The following FGFR1 variants were observed in gnomAD, a reference collection of about 807,000 sequenced individuals.
FGFR1 encodes fibroblast growth factor receptor 1.
Under a neutral mutation model 93.7 loss-of-function variants are expected in FGFR1, and 18 were observed. The ratio of observed to expected loss-of-function variants is 0.19; its 90% CI spans 0.13 to 0.28. FGFR1 has a LOEUF of 0.28. FGFR1 is among the 10% of genes least tolerant of loss of function. The pLI is 1.00. For missense variants in FGFR1, 731 were observed against 1,080.4 expected (o/e 0.68, Z 4.53); for synonymous variants, 448 against 429.3 (o/e 1.04, Z -0.54).
At chr8:38,465,259 A>G (rs900513770) in intron 1 of FGFR1, among the ~76,000 whole-genome samples, 5 of 152,232 alleles carry the variant, frequency 3.3e-5, no homozygotes, top group African/African-American at 1.2e-4. Context: ...GCACCCTAAG[A>G]TTGTTCAAGT....
intron 2 of FGFR1, among the ~76,000 whole-genome samples, chr8:38,455,679 C>T (rs1476540137): frequency 6.6e-6 from 1 of 152,206 alleles, no homozygotes; most frequent in Non-Finnish European, 1.5e-5. Flanking sequence ...GAGCTACCTA[C>T]TCACCAGGCA....
At position 38,426,044 on chromosome 8, in the gene FGFR1, C is replaced by T; in HGVS notation, c.745+78G>A. 6.2e-7 allele frequency: 1 copy of T among 1,606,576 alleles called. No individual in the cohort carries two copies. Among genetic ancestry groups the T allele is most frequent in the Non-Finnish European group, 8.5e-7 (1 of 1,175,724 alleles). ...CTATCCTGACTCTGCCCCTAAGAAACCTGGACACCCCGGCTGTGTTCTCCA... is the reference window on the plus strand; with the variant it reads ...CTATCCTGACTCTGCCCCTAAGAAATCTGGACACCCCGGCTGTGTTCTCCA... On this transcript the variant is annotated intron_variant, in intron 6 of 17. Coordinates refer to ENST00000447712, the MANE Select transcript of FGFR1 (RefSeq NM_023110.3). This position sits in a 1 kb window ranked among gnomAD's most constrained non-coding sequence, Gnocchi z 4.1.
intron 13 of FGFR1, 103 bp from the exon 14 acceptor site, chr8:38,415,004 T>C (rs1815887990): frequency 5.8e-6 from 5 of 869,292 alleles, no homozygotes; most frequent in Non-Finnish European, 9.2e-6. Context: ...TCATAGAACT[T>C]CTGCCACACT....
chr8:38,434,037 G>A (rs910626186), intron 2 of FGFR1, among the ~76,000 whole-genome samples: 3 of 152,118 alleles, frequency 2.0e-5, no homozygotes, highest in Non-Finnish European at 1.5e-5. Context: ...TTTGTGACTG[G>A]CTTCTTTCAC....
intron 10 of FGFR1, 61 bp from the exon 11 acceptor site, chr8:38,418,052 C>A (rs1817349213): frequency 6.2e-7 from 1 of 1,611,948 alleles, no homozygotes; most frequent in Non-Finnish European, 8.5e-7. Flanking sequence ...CCTTGAGAGG[C>A]ACCCCATCTC....
chr8:38,467,471 T>G (rs1835805713), intron 1 of FGFR1, among the ~76,000 whole-genome samples: 1 of 152,142 alleles, frequency 6.6e-6, no homozygotes, highest in South Asian at 2.1e-4. Flanking sequence ...CCCCGGATTT[T>G]TAGCGTTGAG....
At position 38,424,704 on chromosome 8, in the gene FGFR1, G is replaced by C. The variant is rs1820095016; in HGVS notation, c.746-5C>G. The C allele has an allele frequency of 6.2e-7, 1 of 1,608,342 alleles. No homozygotes were observed. Among genetic ancestry groups the C allele is most frequent in the Admixed American group, 1.7e-5 (1 of 59,916 alleles). On this transcript the variant is annotated splice_polypyrimidine_tract_variant and splice_region_variant and intron_variant, in intron 6 of 17. Coordinates refer to ENST00000447712, the MANE Select transcript of FGFR1 (RefSeq NM_023110.3). This position sits in a 1 kb window ranked among gnomAD's most constrained non-coding sequence, Gnocchi z 4.3. ...TGGGCCGGTGAGGGGACCGCTCTGT[G>C]GAAGATGGGAGAGGAGGCACTTGTC...
chr8:38,459,769 G>A (rs1033820463), intron 1 of FGFR1, among the ~76,000 whole-genome samples: 1 of 152,142 alleles, frequency 6.6e-6, no homozygotes, highest in Non-Finnish European at 1.5e-5. Flanking sequence ...GTAAATAAGG[G>A]ATTGATCAAG....
rs183811376 is a variant in FGFR1, at chr8:38,431,285, G to A, written c.92-1337C>T. Among the ~76,000 whole-genome samples the A allele has an allele frequency of 2.0e-4, 31 of 152,214 alleles. No homozygotes were observed. In the East Asian group the frequency reaches 2.3e-3, roughly 11 times the overall value. On this transcript the variant is annotated intron_variant, in intron 2 of 17. Coordinates refer to ENST00000447712, the MANE Select transcript of FGFR1 (RefSeq NM_023110.3). ...TAGCTGGTGACTTCTCCTCCAGGGC[G>A]GTGCTGACTCCCAGTCTGGGTTAGG...
At chr8:38,461,198 G>A (rs1235923582) in intron 1 of FGFR1, 1 of 1,488,792 alleles carries the variant, frequency 6.7e-7, no homozygotes, top group East Asian at 2.5e-5. Context: ...AGGGTGGACA[G>A]TGTCTGGTGA....
Position 38,426,125 on chromosome 8 carries a change from C to T in FGFR1, c.742G>A (p.Val248Met), listed in dbSNP as rs186746130. Residue 248 changes from valine (V) to methionine (M), a missense_variant, in exon 6 of 18, where the codon GTG becomes ATG. By Grantham distance (21) the Val-to-Met change is conservative (BLOSUM62 1). Coordinates refer to ENST00000447712, the MANE Select transcript of FGFR1 (RefSeq NM_023110.3). The surrounding 1 kb of genome is among the most constrained non-coding windows in gnomAD (Gnocchi z 4.1). The stretch of plus-strand genomic sequence containing the variant: ...CCTGCTGCCTCTGCCCTCTTACCCA[C>T]GACATCCAGCTGGTATGTGTGGTTG... ...SINHTYQLDV[V>M]ERSPHRPILQ... 54 of 1,614,110 alleles carry T rather than the reference C, an allele frequency of 3.3e-5. No individual in the cohort carries two copies. The highest frequency in any genetic ancestry group is 9.9e-5 in the South Asian group (9 of 91,084).
chr8:38,443,391 G>A (rs1828187580), intron 2 of FGFR1, among the ~76,000 whole-genome samples: 1 of 151,912 alleles, frequency 6.6e-6, no homozygotes. Context: ...GGGCACAGTG[G>A]CTCACATCTC....
chr8:38,465,851 G>A (rs188792581), intron 1 of FGFR1: 2 of 222,308 alleles, frequency 9.0e-6, no homozygotes, highest in Non-Finnish European at 1.8e-5. Flanking sequence ...GCGCTGGTCC[G>A]GAGGTGCAAA....
intron 2 of FGFR1, among the ~76,000 whole-genome samples, chr8:38,444,387 G>GT (rs112231725): frequency 0.011 from 1,521 of 133,660 alleles, 23 homozygotes; most frequent in African/African-American, 0.034. Context: ...CATGGTTCGG[G>GT]TTTTTTTTTT....
At chr8:38,418,163 C>T (rs367928685) in intron 10 of FGFR1, 65 bp downstream of exon 10, 3 of 1,612,468 alleles carry the variant, frequency 1.9e-6, no homozygotes, top group East Asian at 2.2e-5. Context: ...AGTATACACA[C>T]CTTCCACCAC....
chr8:38,466,423 G>GC (rs1169809706), intron 1 of FGFR1: 17 of 231,554 alleles, frequency 7.3e-5, no homozygotes, highest in Non-Finnish European at 1.2e-4. Flanking sequence ...CAGCCAAAGA[G>GC]CCCCCCTAGT....
In FGFR1 at chr8:38,426,686, G is replaced by C. The variant is rs1164507740; in HGVS notation, c.622-441C>G. On this transcript the variant is annotated intron_variant, in intron 5 of 17. Coordinates refer to ENST00000447712, the MANE Select transcript of FGFR1 (RefSeq NM_023110.3). This position sits in a 1 kb window ranked among gnomAD's most constrained non-coding sequence, Gnocchi z 4.1. ...TCTGCCTACCAAAGCACTGATCACA[G>C]TCTACTTTTTACGGTAGCTGCTCAT... is the stretch of plus-strand genomic sequence containing the variant. 6.6e-6 allele frequency among the ~76,000 whole-genome samples: 1 copy of C among 152,208 alleles called. No homozygotes were observed. The highest frequency in any genetic ancestry group is 2.4e-5 in the African/African-American group (1 of 41,432).
intron 13 of FGFR1, among the ~76,000 whole-genome samples, chr8:38,415,419 G>A (rs1032024400): frequency 1.5e-4 from 23 of 151,680 alleles, no homozygotes; most frequent in African/African-American, 3.9e-4. Context: ...TCAGCCTCCC[G>A]AGTAGCTGGG....
intron 2 of FGFR1, among the ~76,000 whole-genome samples, chr8:38,452,488 C>T (rs917639465): frequency 6.6e-6 from 1 of 152,110 alleles, no homozygotes; most frequent in African/African-American, 2.4e-5. Flanking sequence ...TCTCAGCCTC[C>T]TGAATAGCTA....
Sources: allele counts gnomAD v4.1 joint callset (sites outside exome capture counted in the v4.1 genomes callset), GRCh38; gene constraint gnomAD v4.1.1; non-coding constraint Gnocchi (gnomAD v3.1); transcripts MANE v1.5; gene names NCBI Gene and HGNC (gene_info 2026-07-23, HGNC 2026-07-21).